Variants in CLIP2 observed in about 807,000 individuals in gnomAD.
CLIP2 encodes CAP-Gly domain-containing linker protein 2.
Under a neutral mutation model 111.7 loss-of-function variants are expected in CLIP2, and 41 were observed. That is an observed-to-expected ratio of 0.37 (90% confidence interval 0.29 to 0.48). The LOEUF is 0.48. CLIP2 is among the 20% of genes least tolerant of loss of function. CLIP2 has a pLI of 0.99. For synonymous variants in CLIP2, 660 were observed against 644.2 expected, an observed-to-expected ratio of 1.02 and a Z score of -0.37; for missense variants, 1,160 against 1,422.1, an observed-to-expected ratio of 0.82 and a Z score of 2.96.
At chr7:74,369,662 G>T (rs1370017124) in intron 8 of CLIP2, among the ~76,000 whole-genome samples, 3 of 151,536 alleles carry the variant, frequency 2.0e-5, no homozygotes, top group African/African-American at 7.3e-5. Flanking sequence ...CTCCAAACCA[G>T]CCTGGCTAAC....
intron 11 of CLIP2, among the ~76,000 whole-genome samples, chr7:74,384,530 C>T (rs540068217): frequency 3.9e-4 from 57 of 147,414 alleles, no homozygotes; most frequent in African/African-American, 1.4e-3. Flanking sequence ...ACTGCAACCT[C>T]CGCCTCCCAG....
intron 3 of CLIP2, 82 bp downstream of exon 3, chr7:74,339,086 C>CT: frequency 7.2e-7 from 1 of 1,388,286 alleles, no homozygotes; most frequent in Non-Finnish European, 9.7e-7. Flanking sequence ...CTGGACCCCC[C>CT]TGGGCTGGGC....
intron 3 of CLIP2, among the ~76,000 whole-genome samples, chr7:74,353,567 A>G (rs1312554939): frequency 6.6e-6 from 1 of 152,170 alleles, no homozygotes; most frequent in Non-Finnish European, 1.5e-5. Flanking sequence ...ACCCTTTTAC[A>G]GATGAAGATG....
chr7:74,394,788 C>G (rs1342681334), intron 13 of CLIP2, among the ~76,000 whole-genome samples: 1 of 152,038 alleles, frequency 6.6e-6, no homozygotes, highest in Non-Finnish European at 1.5e-5. Flanking sequence ...CAGCCTGTGC[C>G]TTTTCCAGTA....
chr7:74,385,724 A>AGT (rs1791072349), intron 11 of CLIP2, among the ~76,000 whole-genome samples: 1 of 145,688 alleles, frequency 6.9e-6, no homozygotes, highest in Non-Finnish European at 1.5e-5. Context: ...AAGACCACAT[A>AGT]GTGTCGGGTC....
intron 1 of CLIP2, among the ~76,000 whole-genome samples, chr7:74,305,805 A>T (rs558414905): frequency 2.1e-5 from 3 of 145,820 alleles, no homozygotes; most frequent in East Asian, 4.0e-4. Context: ...CATTTTAGGG[A>T]TCTGCTTCCA....
intron 3 of CLIP2, among the ~76,000 whole-genome samples, chr7:74,352,027 C>A (rs554791041): frequency 6.6e-6 from 1 of 152,010 alleles, no homozygotes; most frequent in Admixed American, 6.6e-5. Flanking sequence ...GAGTGGGTCC[C>A]GGGAGAGACA....
chr7:74,375,386 TA>T (rs1157817529), intron 9 of CLIP2, among the ~76,000 whole-genome samples: 1 of 151,126 alleles, frequency 6.6e-6, no homozygotes, highest in Admixed American at 6.6e-5. Context: ...CCATCTTTAC[TA>T]AAAAAACACA....
chr7:74,390,672 A>G (rs1454770309), intron 13 of CLIP2, among the ~76,000 whole-genome samples: 4 of 151,582 alleles, frequency 2.6e-5, no homozygotes, highest in African/African-American at 9.7e-5. Context: ...CTGTCTCAAA[A>G]AATAAAATTA....
chr7:74,376,531 A>T lies in CLIP2; in HGVS notation c.2130A>T (p.Gln710His), dbSNP rs1277259170. Reference sequence around the variant, plus strand: ...ACTGGCGGGCCCAGCTGGAGGTGCAAGCCAGCCAGCACCGGCTGGAGCTGC... The same window carrying T: ...ACTGGCGGGCCCAGCTGGAGGTGCATGCCAGCCAGCACCGGCTGGAGCTGC... ...QRHWRAQLEV[Q>H]ASQHRLELQE... Residue 710 changes from glutamine (Q) to histidine (H), a missense_variant, in exon 10 of 17, where the codon CAA (glutamine) becomes CAT (histidine). By Grantham distance (24) the Gln-to-His change is conservative. Around this residue, in one of 5 missense-constraint regions of CLIP2, gnomAD observed 676 missense variants for 777.8 expected, o/e 0.87. Transcript: ENST00000223398. The surrounding 1 kb of genome is among the most constrained non-coding windows in gnomAD (Gnocchi z 7.1). The T allele has an allele frequency of 6.2e-7, 1 of 1,603,284 alleles. No individual in the cohort carries two copies. Among genetic ancestry groups the T allele is most frequent in the Non-Finnish European group, 8.5e-7 (1 of 1,176,210 alleles).
At chr7:74,335,224 T>C (rs1200164007) in intron 2 of CLIP2, among the ~76,000 whole-genome samples, 2 of 145,732 alleles carry the variant, frequency 1.4e-5, no homozygotes, top group Non-Finnish European at 3.0e-5. Flanking sequence ...TGAGCCGAGA[T>C]TGCACAAGTG....
chr7:74,404,069 A>T lies in CLIP2; in HGVS notation c.*221A>T, dbSNP rs1554318174. On this transcript the variant is annotated 3_prime_UTR_variant, in exon 17 of 17. Transcript: ENST00000223398. The stretch of plus-strand genomic sequence containing the variant: ...CTTCTACAGAGAGTGTGAACGGTAC[A>T]GCCCCGGCCTGACCCGGGGACCTTC... 6.9e-6 allele frequency: 4 copies of T among 576,186 alleles called. No homozygotes were observed. The allele number at this position is 576,186 out of a possible 1,614,324, so 35.7% of individuals were successfully genotyped here.
chr7:74,387,731 T>C (rs1335831394), intron 12 of CLIP2, among the ~76,000 whole-genome samples: 1 of 152,168 alleles, frequency 6.6e-6, no homozygotes, highest in Non-Finnish European at 1.5e-5. Flanking sequence ...AAGCTTTTCC[T>C]AATCCAGGCG....
Position 74,405,316 on chromosome 7 carries a change from G to A in CLIP2, c.*1468G>A, listed in dbSNP as rs1554318408. 1 of 152,238 alleles carries A rather than the reference G, an allele frequency of 6.6e-6. No individual in the cohort carries two copies. Among genetic ancestry groups the A allele is most frequent in the East Asian group, 1.9e-4 (1 of 5,178 alleles). 9.4% of individuals were successfully genotyped at this position (152,238 alleles called of 1,614,324 possible). On this transcript the variant is annotated 3_prime_UTR_variant, in exon 17 of 17. Coordinates refer to ENST00000223398, the MANE Select transcript of CLIP2 (RefSeq NM_003388.5). The stretch of plus-strand genomic sequence containing the variant: ...GGCAGCTCAGGGAGTGTTTTCCTGT[G>A]AGGCCTCCCCCATCAGTGGACCAGA...
intron 6 of CLIP2, 141 bp from the exon 7 acceptor site, chr7:74,360,034 A>C (rs1790280332): frequency 3.1e-6 from 2 of 636,464 alleles, no homozygotes; most frequent in Non-Finnish European, 5.4e-6. Flanking sequence ...CCCACTGTGC[A>C]TGCCCGGCAG....
chr7:74,300,234 G>T (rs1242167562), intron 1 of CLIP2, among the ~76,000 whole-genome samples: 5 of 151,816 alleles, frequency 3.3e-5, no homozygotes, highest in Non-Finnish European at 5.9e-5. Context: ...TGATTCACCC[G>T]CCTTGGCCTC....
rs547899267 is a variant in CLIP2 at position 74,404,250 on chromosome 7, C to T, written c.*402C>T. 8 of 212,536 alleles carry T rather than the reference C, an allele frequency of 3.8e-5. No homozygotes were observed. The highest frequency in any genetic ancestry group is 1.6e-4 in the African/African-American group (7 of 44,222). 13.2% of individuals were successfully genotyped at this position (212,536 alleles called of 1,614,324 possible). A position where few individuals can be genotyped will look rare whatever the true frequency, so the allele number is the denominator to read the frequency against. ...CCTCGGGTCTCCCCAGAGGGGCCGG[C>T]GGGGGCTGGGGAGGGGGTAAGTTTA... On this transcript the variant is annotated 3_prime_UTR_variant, in exon 17 of 17. Transcript: ENST00000223398.
chr7:74,378,799 G>A (rs1790864910), intron 10 of CLIP2, among the ~76,000 whole-genome samples: 1 of 152,164 alleles, frequency 6.6e-6, no homozygotes, highest in Admixed American at 6.5e-5. Flanking sequence ...AAGTTCTCAG[G>A]ACTAATGAAT....
chr7:74,379,707 A>T (rs189326264), intron 10 of CLIP2, among the ~76,000 whole-genome samples: 2 of 152,132 alleles, frequency 1.3e-5, no homozygotes, highest in Admixed American at 1.3e-4. Context: ...CAGAGGTTGC[A>T]GTGAGCCGAG....
Sources: allele counts gnomAD v4.1 joint callset (sites outside exome capture counted in the v4.1 genomes callset), GRCh38; gene constraint gnomAD v4.1.1; regional missense constraint gnomAD v4.1.1; non-coding constraint Gnocchi (gnomAD v3.1); transcripts MANE v1.5; gene names NCBI Gene and HGNC (gene_info 2026-07-23, HGNC 2026-07-21).